The following OSBPL8 variants were observed in gnomAD, a reference collection of about 807,000 sequenced individuals.
OSBPL8 encodes the protein oxysterol-binding protein-related protein 8.
OSBPL8 carries 59 observed loss-of-function variants against 125.5 expected under a neutral mutation model. That is an observed-to-expected ratio of 0.47 (90% CI 0.38 to 0.58). The LOEUF is 0.58. Among genes scored for constraint, OSBPL8 ranks in the 20% least tolerant of loss-of-function variants. The pLI, the probability that OSBPL8 is intolerant of heterozygous loss-of-function variation, is 0.00. For missense variants in OSBPL8, 758 were observed against 1,047.8 expected (o/e 0.72, Z 3.82); for synonymous variants, 330 against 338.9 (o/e 0.97, Z 0.29).
At chr12:76,409,811 G>T (rs1042587175) in intron 5 of OSBPL8, among the ~76,000 whole-genome samples, 1 of 152,178 alleles carries the variant, frequency 6.6e-6, no homozygotes, top group Non-Finnish European at 1.5e-5. Context: ...AATGTGGGTT[G>T]TAAGAGCAAG....
chr12:76,397,945 G>A, intron 7 of OSBPL8, 48 bp from the exon 8 acceptor site: 2 of 1,526,622 alleles, frequency 1.3e-6, no homozygotes, highest in South Asian at 1.2e-5. Context: ...GTTCTCCAAG[G>A]TCCAAACGAA....
chr12:76,422,635 T>C, intron 4 of OSBPL8: 1 of 456,528 alleles, frequency 2.2e-6, no homozygotes, highest in South Asian at 1.5e-5. Flanking sequence ...ATCTACGTTG[T>C]GAGCTCTCTT....
At chr12:76,402,892 T>A in intron 5 of OSBPL8, 126 bp from the exon 6 acceptor site, 1 of 667,916 alleles carries the variant, frequency 1.5e-6, no homozygotes, top group East Asian at 2.8e-5. Context: ...ATGTCAATTT[T>A]CAATAGAATT....
chr12:76,506,199 T>C (rs771682970), intron 1 of OSBPL8, among the ~76,000 whole-genome samples: 7 of 152,190 alleles, frequency 4.6e-5, no homozygotes, highest in Non-Finnish European at 8.8e-5. Context: ...GAAGGGGCCA[T>C]TAGCAGGTAT....
chr12:76,546,466 C>G lies in OSBPL8; in HGVS notation c.-68+12931G>C, dbSNP rs577701155. ...AAATAATCAAATATTATAAAACATT[C>G]AAAGTATTATCTATATAATGCTGAA... is the stretch of plus-strand genomic sequence containing the variant. On this transcript the variant is annotated intron_variant, in intron 1 of 23. Coordinates refer to ENST00000261183, the MANE Select transcript of OSBPL8 (RefSeq NM_020841.5). Among the ~76,000 whole-genome samples the G allele has an allele frequency of 2.4e-3, 369 of 151,958 alleles. 4 individuals are homozygous for G. The highest frequency in any genetic ancestry group is 0.014 in the Middle Eastern group (4 of 286).
intron 14 of OSBPL8, chr12:76,385,962 A>G (rs1344319385): frequency 7.9e-6 from 5 of 633,754 alleles, no homozygotes; most frequent in Non-Finnish European, 1.1e-5. Flanking sequence ...ATTTTTGGTC[A>G]AAGGATTCCA....
At chr12:76,525,353 A>T (rs1163007081) in intron 1 of OSBPL8, among the ~76,000 whole-genome samples, 2 of 152,244 alleles carry the variant, frequency 1.3e-5, no homozygotes, top group African/African-American at 4.8e-5. Context: ...TAAAAAAGTG[A>T]GGAAAAGGAA....
chr12:76,554,105 T>C (rs1951025627), intron 1 of OSBPL8, among the ~76,000 whole-genome samples: 1 of 152,112 alleles, frequency 6.6e-6, no homozygotes, highest in African/African-American at 2.4e-5. Flanking sequence ...GTTCTTTAAT[T>C]TCCAGTTACT....
At chr12:76,429,933 C>A (rs1870608927) in intron 4 of OSBPL8, among the ~76,000 whole-genome samples, 1 of 151,938 alleles carries the variant, frequency 6.6e-6, no homozygotes, top group Non-Finnish European at 1.5e-5. Flanking sequence ...TGTAGCCTTA[C>A]TGATTCATGG....
At chr12:76,358,903 C>T in intron 21 of OSBPL8, 92 bp from the exon 22 acceptor site, 2 of 872,942 alleles carry the variant, frequency 2.3e-6, no homozygotes, top group Middle Eastern at 2.5e-4. Flanking sequence ...TGCACATAGG[C>T]ATGATATTCA....
chr12:76,366,257 T>TA (rs1385601015), intron 21 of OSBPL8, among the ~76,000 whole-genome samples: 2 of 152,236 alleles, frequency 1.3e-5, no homozygotes, highest in Non-Finnish European at 2.9e-5. Context: ...TCTTTATTGT[T>TA]ACAGCTCTAT....
chr12:76,452,540 C>A (rs941176324), intron 3 of OSBPL8, among the ~76,000 whole-genome samples: 1 of 152,196 alleles, frequency 6.6e-6, no homozygotes, highest in Non-Finnish European at 1.5e-5. Flanking sequence ...GCCATCACTA[C>A]TCCCCTCCCA....
At position 76,402,779 on chromosome 12, in the gene OSBPL8, A is replaced by G; in HGVS notation, c.289-13T>C. The G allele has an allele frequency of 6.6e-7, 1 of 1,505,784 alleles. No individual in the cohort carries two copies. 93.3% of individuals were successfully genotyped at this position (1,505,784 alleles called of 1,614,324 possible). On this transcript the variant is annotated splice_polypyrimidine_tract_variant and intron_variant, in intron 5 of 23. Transcript: ENST00000261183. ...GTTTAGATTCAGACTGAAATCATAC[A>G]GAAACAAGAGAAATTAAATCCTTCA...
chr12:76,380,539 A>AAAAAC (rs1555209819), intron 15 of OSBPL8, among the ~76,000 whole-genome samples: 12 of 151,100 alleles, frequency 7.9e-5, no homozygotes, highest in African/African-American at 2.9e-4. Context: ...AAAAAAAAAA[A>AAAAAC]AAAAAAAACC....
At chr12:76,541,206 C>T (rs1230883737) in intron 1 of OSBPL8, among the ~76,000 whole-genome samples, 13 of 152,260 alleles carry the variant, frequency 8.5e-5, no homozygotes, top group African/African-American at 2.4e-4. Flanking sequence ...TGGTCAGGCG[C>T]GGTGGCTCAT....
intron 18 of OSBPL8, 146 bp from the exon 19 acceptor site, chr12:76,371,730 A>G: frequency 1.5e-6 from 1 of 675,502 alleles, no homozygotes. Context: ...CACTTTTCCA[A>G]AAACTCCAAG....
rs146213372 is a variant in OSBPL8 at position 76,406,827 on chromosome 12, G to A, written c.288+3737C>T. Among the ~76,000 whole-genome samples the A allele has an allele frequency of 3.2e-3, 490 of 152,060 alleles. 6 individuals are homozygous for A. The highest frequency in any genetic ancestry group is 0.011 in the African/African-American group (446 of 41,474). On this transcript the variant is annotated intron_variant, in intron 5 of 23. Transcript: ENST00000261183. The stretch of plus-strand genomic sequence containing the variant: ...AAGGTCTCGCTAGGTTGCCCAGGCT[G>A]GTCTCGAACTCCTGGGCTCATGCAA...
chr12:76,384,427 T>G lies in OSBPL8; in HGVS notation c.1534-77A>C. ...ATAAAATATAAAAAGATAAGCATAT[T>G]ATTGTGCCATTATCAAAAGTTCAAG... On this transcript the variant is annotated intron_variant, in intron 14 of 23. Coordinates refer to ENST00000261183, the MANE Select transcript of OSBPL8 (RefSeq NM_020841.5). The G allele has an allele frequency of 5.0e-6, 4 of 795,626 alleles. No homozygotes were observed. In the Admixed American group the frequency reaches 1.4e-4, roughly 27 times the overall value. 49.3% of individuals were successfully genotyped at this position (795,626 alleles called of 1,614,324 possible).
intron 2 of OSBPL8, among the ~76,000 whole-genome samples, chr12:76,478,427 T>G (rs1376088619): frequency 2.6e-5 from 4 of 152,072 alleles, no homozygotes; most frequent in African/African-American, 7.2e-5. Flanking sequence ...TTTAAGAAAA[T>G]CTCCAAGAAT....
Sources: gnomAD v4.1 joint callset for allele counts (sites outside exome capture counted in the v4.1 genomes callset) on GRCh38, gnomAD v4.1.1 for gene constraint, MANE v1.5 for transcripts, NCBI Gene and HGNC (gene_info 2026-07-23, HGNC 2026-07-21) for gene names.